The following RPS6KB1 variants were observed in gnomAD, a reference collection of about 807,000 sequenced individuals.
RPS6KB1 encodes the protein ribosomal protein S6 kinase beta-1.
RPS6KB1 carries 12 observed loss-of-function variants against 70.2 expected under a neutral mutation model. That is an observed-to-expected ratio of 0.17 (90% confidence interval 0.11 to 0.28). The LOEUF is 0.28. RPS6KB1 is among the 10% of genes least tolerant of loss of function. The pLI, the probability that RPS6KB1 is intolerant of heterozygous loss-of-function variation, is 1.00. For missense variants in RPS6KB1, 270 were observed against 646.6 expected (o/e 0.42, Z 6.32); for synonymous variants, 175 against 211.2 (o/e 0.83, Z 1.49).
chr17:59,928,546 C>T (rs2043758741), intron 5 of RPS6KB1, among the ~76,000 whole-genome samples: 1 of 152,042 alleles, frequency 6.6e-6, no homozygotes, highest in Non-Finnish European at 1.5e-5. Flanking sequence ...AATGGGGTTT[C>T]ACCATGTTGG....
chr17:59,899,221 G>T (rs56198517), intron 1 of RPS6KB1, among the ~76,000 whole-genome samples: 19,524 of 150,222 alleles, frequency 0.13, 1,507 homozygotes, highest in Middle Eastern at 0.23. Context: ...AAAAAAAAAA[G>T]GAGTAAAGAG....
chr17:59,911,537 G>GTTTTT (rs1568416484), intron 2 of RPS6KB1, among the ~76,000 whole-genome samples: 6 of 101,534 alleles, frequency 5.9e-5, no homozygotes, highest in Admixed American at 5.8e-4. Flanking sequence ...ATTTTTGTTG[G>GTTTTT]GTTTTTTTTT....
At chr17:59,915,043 C>T (rs192302052) in intron 4 of RPS6KB1, among the ~76,000 whole-genome samples, 8 of 150,900 alleles carry the variant, frequency 5.3e-5, no homozygotes, top group Admixed American at 2.6e-4. Flanking sequence ...GGCTGGAGTG[C>T]GGTGGTGCGA....
rs188619686 is a variant in RPS6KB1, at chr17:59,910,626, A to G, written c.191+15A>G. 6.2e-4 allele frequency: 948 copies of G among 1,528,064 alleles called. 2 individuals carry two copies. The highest frequency in any genetic ancestry group is 5.6e-3 in the Middle Eastern group (33 of 5,918). 94.7% of individuals were successfully genotyped at this position (1,528,064 alleles called of 1,614,324 possible). A position where few individuals can be genotyped will look rare whatever the true frequency, so the allele number is the denominator to read the frequency against. Reference sequence around the variant, plus strand: ...CCATATGAACTGTAAGTTTATATGAAGAGATTTTCATTGTGTTGTCTTTCT... The same window carrying G: ...CCATATGAACTGTAAGTTTATATGAGGAGATTTTCATTGTGTTGTCTTTCT... On this transcript the variant is annotated intron_variant, in intron 2 of 14. Coordinates refer to ENST00000225577, the MANE Select transcript of RPS6KB1 (RefSeq NM_003161.4).
In RPS6KB1 at chr17:59,948,783, G is replaced by A. The variant is rs2045065129; in HGVS notation, c.*1995G>A. 1.3e-5 allele frequency: 2 copies of A among 152,238 alleles called. No homozygotes were observed. The highest frequency in any genetic ancestry group is 4.9e-5 in the African/African-American group (2 of 41,178). The allele number at this position is 152,238 out of a possible 1,614,324, so 9.4% of individuals were successfully genotyped here. A position where few individuals can be genotyped will look rare whatever the true frequency, so the allele number is the denominator to read the frequency against. On this transcript the variant is annotated 3_prime_UTR_variant, in exon 15 of 15. Transcript: ENST00000225577. ...TAAGGGCAGAAATTATACTTAAAAA[G>A]TGCAGATCCTTGTTCTTTGACAATT...
chr17:59,903,252 C>T (rs1293370224), intron 1 of RPS6KB1, among the ~76,000 whole-genome samples: 1 of 151,626 alleles, frequency 6.6e-6, no homozygotes, highest in Admixed American at 6.6e-5. Context: ...TTGCAGTGAC[C>T]CGAGATAGCA....
At position 59,893,139 on chromosome 17, in the gene RPS6KB1, C is replaced by G; in HGVS notation, c.-46C>G. 1.9e-6 allele frequency: 3 copies of G among 1,594,470 alleles called. No homozygotes were observed. The South Asian group carries it at 3.4e-5, about 18-fold the overall frequency. On this transcript the variant is annotated 5_prime_UTR_variant, in exon 1 of 15. Transcript: ENST00000225577. The surrounding 1 kb of genome is among the most constrained non-coding windows in gnomAD (Gnocchi z 4.1). Reference sequence around the variant, plus strand: ...CGCAGACGCACTGAGCCTAAGCAGCCGGTGATGGCGGCAGCGGCTGTGGTG... The same window carrying G: ...CGCAGACGCACTGAGCCTAAGCAGCGGGTGATGGCGGCAGCGGCTGTGGTG...
At chr17:59,910,192 A>AG (rs1347107138) in intron 1 of RPS6KB1, among the ~76,000 whole-genome samples, 6 of 151,084 alleles carry the variant, frequency 4.0e-5, no homozygotes, top group Non-Finnish European at 3.0e-5. Flanking sequence ...ATCTCAAAAA[A>AG]GAAAAAAAAA....
chr17:59,911,545 T>G (rs1405845069), intron 2 of RPS6KB1, among the ~76,000 whole-genome samples: 1 of 140,798 alleles, frequency 7.1e-6, no homozygotes, highest in East Asian at 2.1e-4. Flanking sequence ...TGGGTTTTTT[T>G]TTTTTTTTTT....
intron 4 of RPS6KB1, among the ~76,000 whole-genome samples, chr17:59,916,159 G>A (rs983758408): frequency 6.6e-6 from 1 of 151,376 alleles, no homozygotes; most frequent in Non-Finnish European, 1.5e-5. Context: ...GGAGTGCAGT[G>A]GCGTGATCTC....
At chr17:59,911,826 C>T (rs1047387723) in intron 2 of RPS6KB1, among the ~76,000 whole-genome samples, 2 of 151,664 alleles carry the variant, frequency 1.3e-5, no homozygotes, top group African/African-American at 4.8e-5. Context: ...GAACTCTCGA[C>T]CTCAAGTGAT....
intron 1 of RPS6KB1, among the ~76,000 whole-genome samples, chr17:59,900,230 A>ACACACACACCCC (rs1355022894): frequency 1.5e-5 from 2 of 136,736 alleles, no homozygotes; most frequent in South Asian, 2.4e-4. Flanking sequence ...ACACACACAC[A>ACACACACACCCC]CCCCTATGTG....
rs1241228378 is a variant in RPS6KB1 at position 59,914,631 on chromosome 17, C to A, written c.313-4C>A. The A allele has an allele frequency of 6.2e-7, 1 of 1,609,724 alleles. No individual in the cohort carries two copies. The highest frequency in any genetic ancestry group is 1.1e-5 in the South Asian group (1 of 90,260). On this transcript the variant is annotated splice_region_variant and splice_polypyrimidine_tract_variant and intron_variant, in intron 3 of 14. Coordinates refer to ENST00000225577, the MANE Select transcript of RPS6KB1 (RefSeq NM_003161.4). ...TGAATAACACACACTTTTTTTTAAT[C>A]CAGGTTTTTCAAGTACGAAAAGTAA...
At chr17:59,908,914 G>A (rs1387117594) in intron 1 of RPS6KB1, among the ~76,000 whole-genome samples, 7 of 138,778 alleles carry the variant, frequency 5.0e-5, no homozygotes, top group African/African-American at 8.3e-5. Flanking sequence ...CACCGCGCCC[G>A]GCCAAATTTT....
At chr17:59,943,207 C>G (rs577328411) in intron 13 of RPS6KB1, among the ~76,000 whole-genome samples, 1 of 152,100 alleles carries the variant, frequency 6.6e-6, no homozygotes, top group African/African-American at 2.4e-5. Flanking sequence ...ATCAAAGTTA[C>G]GGCATCTCTG....
intron 1 of RPS6KB1, 82 bp from the exon 2 acceptor site, chr17:59,910,480 C>A (rs2042568939): frequency 6.0e-6 from 5 of 838,038 alleles, no homozygotes; most frequent in South Asian, 3.4e-5. Context: ...CATTCATTCT[C>A]TTTCAGTTAT....
Position 59,908,508 on chromosome 17 carries a change from T to C in RPS6KB1, c.142-2054T>C, listed in dbSNP as rs148581662. Among the ~76,000 whole-genome samples, 771 of 151,850 alleles carry C rather than the reference T, an allele frequency of 5.1e-3. 3 individuals are homozygous for C. Among genetic ancestry groups the C allele is most frequent in the Admixed American group, 7.8e-3 (118 of 15,210 alleles). On this transcript the variant is annotated intron_variant, in intron 1 of 14. Transcript: ENST00000225577. The stretch of plus-strand genomic sequence containing the variant: ...GAGCCACTGCACCCAGCCGAAAATA[T>C]ACATTTTCGAATAGATAAATGTACA...
rs75281652 is a variant in RPS6KB1 at position 59,899,611 on chromosome 17, G to A, written c.141+6286G>A. ...TCATAAAAGTGAAGCCATCCTAGGC[G>A]ATTACGTAGAGCAACAAAGACAAAA... On this transcript the variant is annotated intron_variant, in intron 1 of 14. Transcript: ENST00000225577. 3.4e-3 allele frequency among the ~76,000 whole-genome samples: 515 copies of A among 152,218 alleles called. 2 individuals carry two copies. Among genetic ancestry groups the A allele is most frequent in the African/African-American group, 0.012 (480 of 41,528 alleles).
intron 1 of RPS6KB1, among the ~76,000 whole-genome samples, chr17:59,895,256 G>A (rs1202459117): frequency 1.4e-4 from 21 of 148,342 alleles, no homozygotes; most frequent in East Asian, 8.1e-4. Context: ...TCTTGACCTC[G>A]TAATCTGCCC....
Sources: allele counts gnomAD v4.1 joint callset (sites outside exome capture counted in the v4.1 genomes callset), GRCh38; gene constraint gnomAD v4.1.1; non-coding constraint Gnocchi (gnomAD v3.1); transcripts MANE v1.5; gene names NCBI Gene and HGNC (gene_info 2026-07-23, HGNC 2026-07-21).